The following GALNT18 variants were observed in gnomAD, a reference collection of about 807,000 sequenced individuals.
GALNT18 encodes the protein GalNAc-transferase 18.
In GALNT18, 44 loss-of-function variants were observed where a neutral mutation model predicts 69.5. The ratio of observed to expected loss-of-function variants is 0.63; its 90% CI spans 0.50 to 0.81. The LOEUF is 0.81. GALNT18 is among the 40% of genes least tolerant of loss of function. The pLI is 0.00. For missense variants in GALNT18, 715 were observed against 810.0 expected (o/e 0.88, Z 1.42); for synonymous variants, 364 against 318.2 (o/e 1.14, Z -1.53).
At chr11:11,451,488 A>T (rs1181659512) in intron 1 of GALNT18, among the ~76,000 whole-genome samples, 2 of 152,212 alleles carry the variant, frequency 1.3e-5, no homozygotes, top group African/African-American at 4.8e-5. Flanking sequence ...TTCACTCAGT[A>T]TGGGCACGAA....
At chr11:11,417,039 A>G (rs542189731) in intron 3 of GALNT18, among the ~76,000 whole-genome samples, 9 of 152,038 alleles carry the variant, frequency 5.9e-5, no homozygotes, top group South Asian at 2.1e-4. Flanking sequence ...ATCTATTCCT[A>G]CTCCTGACTT....
At chr11:11,467,675 A>C (rs1856181574) in intron 1 of GALNT18, among the ~76,000 whole-genome samples, 1 of 152,202 alleles carries the variant, frequency 6.6e-6, no homozygotes, top group African/African-American at 2.4e-5. Context: ...CTGGCTACAC[A>C]TTAAGTCAAC....
chr11:11,441,688 C>T (rs757078085), intron 2 of GALNT18, among the ~76,000 whole-genome samples: 6 of 152,152 alleles, frequency 3.9e-5, no homozygotes, highest in East Asian at 3.8e-4. Flanking sequence ...ACACAGTAAG[C>T]GAGCAGGTGA....
At chr11:11,297,773 C>T (rs924208096) in intron 9 of GALNT18, among the ~76,000 whole-genome samples, 1 of 152,184 alleles carries the variant, frequency 6.6e-6, no homozygotes, top group African/African-American at 2.4e-5. Flanking sequence ...CATCCCCGCC[C>T]ACTCAGCTCC....
chr11:11,479,316 AC>A (rs1170366535), intron 1 of GALNT18, among the ~76,000 whole-genome samples: 2 of 152,206 alleles, frequency 1.3e-5, no homozygotes, highest in African/African-American at 4.8e-5. Context: ...TACCGTTTTA[AC>A]CCAAAGTTTG....
rs1158671678 is a variant in GALNT18 at position 11,465,854 on chromosome 11, C to T, written c.236-16918G>A. 1.3e-5 allele frequency among the ~76,000 whole-genome samples: 2 copies of T among 152,150 alleles called. No homozygotes were observed. Among genetic ancestry groups the T allele is most frequent in the Non-Finnish European group, 2.9e-5 (2 of 68,026 alleles). Reference sequence around the variant, plus strand: ...GGGAGGGGCTTGCACTGTCATACTGCTGAGTACTTCTGCCTTCTTCCCTGG... The same window carrying T: ...GGGAGGGGCTTGCACTGTCATACTGTTGAGTACTTCTGCCTTCTTCCCTGG... On this transcript the variant is annotated intron_variant, in intron 1 of 10. Transcript: ENST00000227756. The surrounding 1 kb of genome is among the most constrained non-coding windows in gnomAD (Gnocchi z 5.7).
At chr11:11,556,390 C>T (rs1199660661) in intron 1 of GALNT18, among the ~76,000 whole-genome samples, 1 of 152,210 alleles carries the variant, frequency 6.6e-6, no homozygotes, top group African/African-American at 2.4e-5. Flanking sequence ...AAAAATGTCA[C>T]TGGGGTAAGT....
In GALNT18 at chr11:11,605,243, G is replaced by A. The variant is rs552045137; in HGVS notation, c.235+16116C>T. On this transcript the variant is annotated intron_variant, in intron 1 of 10. Transcript: ENST00000227756. The surrounding 1 kb of genome is among the most constrained non-coding windows in gnomAD (Gnocchi z 4.7). The stretch of plus-strand genomic sequence containing the variant: ...CACTCATGGGTGGGTGATTCCCCAG[G>A]TGGCCAGCAGATAACTTGGAGTTCC... Among the ~76,000 whole-genome samples the A allele has an allele frequency of 3.3e-5, 5 of 152,294 alleles. No individual in the cohort carries two copies. In the South Asian group the frequency reaches 1.0e-3, roughly 32 times the overall value.
intron 1 of GALNT18, among the ~76,000 whole-genome samples, chr11:11,495,326 A>G (rs761272867): frequency 3.9e-5 from 6 of 152,206 alleles, no homozygotes; most frequent in Non-Finnish European, 5.9e-5. Context: ...AGCCTTCACT[A>G]CGCTAATAAT....
chr11:11,586,866 T>C lies in GALNT18; in HGVS notation c.235+34493A>G, dbSNP rs944509067. Among the ~76,000 whole-genome samples, 4 of 151,800 alleles carry C rather than the reference T, an allele frequency of 2.6e-5. No individual in the cohort carries two copies. The highest frequency in any genetic ancestry group is 5.9e-5 in the Non-Finnish European group (4 of 67,982). On this transcript the variant is annotated intron_variant, in intron 1 of 10. Transcript: ENST00000227756. This position sits in a 1 kb window ranked among gnomAD's most constrained non-coding sequence, Gnocchi z 4.1. Reference sequence around the variant, plus strand: ...AGCCAGGTGTGGTGGCGGGCGTCTGTAATCCCAGCTACTCAGGAGGCTGAG... The same window carrying C: ...AGCCAGGTGTGGTGGCGGGCGTCTGCAATCCCAGCTACTCAGGAGGCTGAG...
At chr11:11,300,396 C>T (rs1849473059) in intron 9 of GALNT18, among the ~76,000 whole-genome samples, 1 of 152,094 alleles carries the variant, frequency 6.6e-6, no homozygotes, top group African/African-American at 2.4e-5. Context: ...GTTCTAGAAC[C>T]CATCATAAGG....
intron 1 of GALNT18, among the ~76,000 whole-genome samples, chr11:11,530,195 C>T (rs1857614203): frequency 6.9e-6 from 1 of 144,490 alleles, no homozygotes; most frequent in Admixed American, 6.9e-5. Flanking sequence ...CAAATTCCAG[C>T]CCTAAAGCAA....
At chr11:11,360,329 T>A (rs2133079046) in intron 6 of GALNT18, among the ~76,000 whole-genome samples, 1 of 152,362 alleles carries the variant, frequency 6.6e-6, no homozygotes, top group South Asian at 2.1e-4. Context: ...GCTCTCGCAA[T>A]GCATCAGGAT....
intron 1 of GALNT18, among the ~76,000 whole-genome samples, chr11:11,489,758 T>C (rs1856722698): frequency 6.6e-6 from 1 of 152,232 alleles, no homozygotes; most frequent in Non-Finnish European, 1.5e-5. Context: ...AGCATATGTG[T>C]TAACTCTTAT....
Position 11,338,135 on chromosome 11 carries a change from T to A in GALNT18, c.1278+2684A>T, listed in dbSNP as rs2129525. Among the ~76,000 whole-genome samples the A allele has an allele frequency of 3.3e-5, 5 of 151,396 alleles. No homozygotes were observed. The highest frequency in any genetic ancestry group is 5.9e-5 in the Non-Finnish European group (4 of 67,732). ...GGCATGTGCCACCAAGCCTGGCTAA[T>A]TTTTGTATTTTTAGTAGAGATGGGG... is the stretch of plus-strand genomic sequence containing the variant. On this transcript the variant is annotated intron_variant, in intron 7 of 10. Coordinates refer to ENST00000227756, the MANE Select transcript of GALNT18 (RefSeq NM_198516.3). This position sits in a 1 kb window ranked among gnomAD's most constrained non-coding sequence, Gnocchi z 5.3.
intron 1 of GALNT18, among the ~76,000 whole-genome samples, chr11:11,516,174 G>A (rs549633613): frequency 2.0e-4 from 31 of 152,334 alleles, no homozygotes; most frequent in African/African-American, 4.3e-4. Context: ...GGAAGGATGT[G>A]TAGGGACAGG....
In GALNT18 at chr11:11,377,112, A is replaced by G. The variant is rs940227152; in HGVS notation, c.977+70T>C. On this transcript the variant is annotated intron_variant, in intron 5 of 10. Transcript: ENST00000227756. The surrounding 1 kb of genome is among the most constrained non-coding windows in gnomAD (Gnocchi z 4.6). ...ATGGGGCTCAAGTTGGAGAATAAGC[A>G]TTGGACCAGTAGGCGGTCCCTAGCC... 6.9e-7 allele frequency: 1 copy of G among 1,450,376 alleles called. No individual in the cohort carries two copies. The highest frequency in any genetic ancestry group is 9.6e-7 in the Non-Finnish European group (1 of 1,040,638). The allele number at this position is 1,450,376 out of a possible 1,614,324, so 89.8% of individuals were successfully genotyped here.
At chr11:11,473,514 A>G (rs1056963339) in intron 1 of GALNT18, among the ~76,000 whole-genome samples, 1 of 151,990 alleles carries the variant, frequency 6.6e-6, no homozygotes, top group Non-Finnish European at 1.5e-5. Flanking sequence ...GGATTCCAGA[A>G]GGCTCGTTTT....
At chr11:11,376,467 C>T (rs1437849032) in intron 5 of GALNT18, among the ~76,000 whole-genome samples, 1 of 152,184 alleles carries the variant, frequency 6.6e-6, no homozygotes, top group African/African-American at 2.4e-5. Context: ...CGAGACCACA[C>T]AAGGGAGTCA....
Sources: allele counts gnomAD v4.1 joint callset (sites outside exome capture counted in the v4.1 genomes callset), GRCh38; gene constraint gnomAD v4.1.1; non-coding constraint Gnocchi (gnomAD v3.1); transcripts MANE v1.5; gene names NCBI Gene and HGNC (gene_info 2026-07-23, HGNC 2026-07-21).